OR1J2: variants seen among roughly 807,000 people sequenced by gnomAD.
The protein encoded by OR1J2 is olfactory receptor family 1 subfamily J member 2.
For synonymous variants in OR1J2, 142 were observed against 99.7 expected (o/e 1.42, Z -2.52); for missense variants, 304 against 246.1 (o/e 1.24, Z -1.57).
the OR1J2 span, chr9:122,448,788 A>G: frequency 2.6e-5 from 4 of 152,276 alleles, no homozygotes; most frequent in African/African-American, 9.6e-5. Flanking sequence ...TGTGAGCTCA[A>G]AGTTGGGGCA....
chr9:122,448,721 G>A, the OR1J2 span, among the ~76,000 whole-genome samples: 1 of 152,094 alleles, frequency 6.6e-6, no homozygotes, highest in African/African-American at 2.4e-5. Context: ...TGTTAACAAG[G>A]CACATCCTGC....
the OR1J2 span, among the ~76,000 whole-genome samples, chr9:122,537,112 A>G: frequency 6.6e-6 from 1 of 152,180 alleles, no homozygotes; most frequent in African/African-American, 2.4e-5. Flanking sequence ...GAGCTCCCCA[A>G]ATGCGCAATT....
chr9:122,492,085 G>T, the OR1J2 span, among the ~76,000 whole-genome samples: 4 of 152,040 alleles, frequency 2.6e-5, no homozygotes, highest in Non-Finnish European at 5.9e-5. Context: ...GAGGTTTGGG[G>T]TATGAATTAT....
chr9:122,487,490 CAA>C, the OR1J2 span, among the ~76,000 whole-genome samples: 2 of 148,082 alleles, frequency 1.4e-5, no homozygotes, highest in East Asian at 4.1e-4. Context: ...CACACACACA[CAA>C]ACTGCTTAAT....
chr9:122,527,313 C>G, the OR1J2 span: 1 of 1,510,448 alleles, frequency 6.6e-7, no homozygotes, highest in South Asian at 1.2e-5. Context: ...GCATCTGGAG[C>G]TGAGGGAAGA....
At chr9:122,533,037 CT>C in the OR1J2 span, among the ~76,000 whole-genome samples, 1 of 152,080 alleles carries the variant, frequency 6.6e-6, no homozygotes, top group Admixed American at 6.6e-5. Context: ...TTTGCTGAGC[CT>C]AATGGGTGTC....
Position 122,511,742 on chromosome 9 carries a change from G to T in OR1J2, c.941G>T (p.Ter314LeuextTer?). The change falls in exon 1 of 1, where the codon TGA becomes TTA. Residue 314 changes from the stop codon to leucine (L), a stop_lost. Coordinates refer to ENST00000335302, the MANE Select transcript of OR1J2 (RefSeq NM_054107.1). ...AGTAGAGCAACATTTTTCTCTTGGT[G>T]ACATCTGACTTTTTAAAAAATTAGA... Reference protein sequence around the residue: ...LFSRATFFSW* With the variant: ...LFSRATFFSWL 1.3e-6 allele frequency: 1 copy of T among 780,560 alleles called. No homozygotes were observed. The highest frequency in any genetic ancestry group is 1.3e-5 in the South Asian group (1 of 74,542). The allele number at this position is 780,560 out of a possible 1,614,324, so 48.4% of individuals were successfully genotyped here. A position where few individuals can be genotyped will look rare whatever the true frequency, so the allele number is the denominator to read the frequency against.
the OR1J2 span, among the ~76,000 whole-genome samples, chr9:122,518,952 T>G: frequency 6.6e-6 from 1 of 152,260 alleles, no homozygotes; most frequent in Non-Finnish European, 1.5e-5. Flanking sequence ...TCTTGGCGAA[T>G]TATCCCATTT....
At chr9:122,482,045 G>T in the OR1J2 span, among the ~76,000 whole-genome samples, 1 of 152,006 alleles carries the variant, frequency 6.6e-6, no homozygotes, top group South Asian at 2.1e-4. Flanking sequence ...TTCTGCACAG[G>T]AAAAGAAACA....
At chr9:122,527,090 G>T in the OR1J2 span, 1 of 1,614,216 alleles carries the variant, frequency 6.2e-7, no homozygotes, top group Non-Finnish European at 8.5e-7. Context: ...TTAAACCCAT[G>T]TCAACAAAAG....
chr9:122,514,748 T>C (rs1828677110), downstream of OR1J2, among the ~76,000 whole-genome samples: 2 of 152,208 alleles, frequency 1.3e-5, no homozygotes, highest in Admixed American at 1.3e-4. Flanking sequence ...CATCTCAACC[T>C]AACACCTAAC....
the OR1J2 span, among the ~76,000 whole-genome samples, chr9:122,501,891 A>G: frequency 6.6e-6 from 1 of 152,204 alleles, no homozygotes; most frequent in Non-Finnish European, 1.5e-5. Flanking sequence ...GAGGTCAACA[A>G]AATTATCACC....
At chr9:122,466,050 C>T in the OR1J2 span, among the ~76,000 whole-genome samples, 1 of 152,232 alleles carries the variant, frequency 6.6e-6, no homozygotes, top group East Asian at 1.9e-4. Context: ...ATTATAATTT[C>T]GACTTATCAT....
chr9:122,576,731 CA>C, the OR1J2 span: 1 of 152,206 alleles, frequency 6.6e-6, no homozygotes, highest in Non-Finnish European at 1.5e-5. Flanking sequence ...ACTGAGCCTC[CA>C]GCAATTCATC....
chr9:122,543,666 G>T, the OR1J2 span, among the ~76,000 whole-genome samples: 1 of 152,194 alleles, frequency 6.6e-6, no homozygotes, highest in Non-Finnish European at 1.5e-5. Flanking sequence ...TTGTGAGAAG[G>T]CCTAGGCTAC....
the OR1J2 span, among the ~76,000 whole-genome samples, chr9:122,449,789 C>G: frequency 6.6e-6 from 1 of 152,210 alleles, no homozygotes; most frequent in Admixed American, 6.5e-5. Context: ...TGCTGGTTCA[C>G]TATATAGCCG....
chr9:122,491,507 A>G, the OR1J2 span, among the ~76,000 whole-genome samples: 1 of 152,078 alleles, frequency 6.6e-6, no homozygotes, highest in Non-Finnish European at 1.5e-5. Flanking sequence ...GACCACAGGG[A>G]ACATTGACAA....
At chr9:122,504,985 A>G in the OR1J2 span, among the ~76,000 whole-genome samples, 1 of 152,048 alleles carries the variant, frequency 6.6e-6, no homozygotes, top group Non-Finnish European at 1.5e-5. Context: ...CTACTGGCCA[A>G]TATTCTTTTA....
the OR1J2 span, among the ~76,000 whole-genome samples, chr9:122,492,486 A>G: frequency 6.5e-4 from 99 of 152,260 alleles, no homozygotes; most frequent in African/African-American, 2.3e-3. Flanking sequence ...TTTTGGTAGA[A>G]CAACTTGTTT....
Sources: allele counts gnomAD v4.1 joint callset (sites outside exome capture counted in the v4.1 genomes callset), GRCh38; gene constraint gnomAD v4.1.1; transcripts MANE v1.5; gene names NCBI Gene and HGNC (gene_info 2026-07-23, HGNC 2026-07-21).